DYRK1B: variants seen among roughly 807,000 people sequenced by gnomAD.
The protein encoded by DYRK1B is dual specificity tyrosine-phosphorylation-regulated kinase 1B.
Under a neutral mutation model 57.1 loss-of-function variants are expected in DYRK1B, and 20 were observed. The observed-to-expected ratio is 0.35, with a 90% CI of 0.25 to 0.51. The LOEUF is 0.51. Among genes scored for constraint, DYRK1B ranks in the 20% least tolerant of loss-of-function variants. The probability of loss-of-function intolerance (pLI) is 0.96; values close to 1 mark genes in which losing one functional copy is unlikely to be tolerated. For missense variants in DYRK1B, 732 were observed against 886.3 expected, an observed-to-expected ratio of 0.83 and a Z score of 2.21; for synonymous variants, 409 against 384.7, an observed-to-expected ratio of 1.06 and a Z score of -0.74.
chr19:39,832,771 C>G (rs1468593638), intron 1 of DYRK1B, among the ~76,000 whole-genome samples: 3 of 152,112 alleles, frequency 2.0e-5, no homozygotes, highest in Non-Finnish European at 2.9e-5. Context: ...TCTCCCTGTA[C>G]CATATCCCAA....
rs1395057628 is a variant in DYRK1B at position 39,834,140 on chromosome 19, A to C, written c.-219T>G. On this transcript the variant is annotated 5_prime_UTR_variant, in exon 1 of 11. Transcript: ENST00000323039. ...AGGGCCCCGATTACCCAGTAATGCA[A>C]CCAGCAAAATGGCGACCACAACAAA... is the stretch of plus-strand genomic sequence containing the variant. 2 of 222,230 alleles carry C rather than the reference A, an allele frequency of 9.0e-6. No homozygotes were observed. Among genetic ancestry groups the C allele is most frequent in the South Asian group, 6.0e-5 (1 of 16,774 alleles). The allele number at this position is 222,230 out of a possible 1,614,324, so 13.8% of individuals were successfully genotyped here.
In DYRK1B at chr19:39,828,935, G is replaced by A. The variant is rs1258820371; in HGVS notation, c.521-352C>T. The stretch of plus-strand genomic sequence containing the variant: ...TTTTCCGTTTACTTTAAGGATATAC[G>A]TTTTCCTTTCAAACGAAACCATTTT... On this transcript the variant is annotated intron_variant, in intron 5 of 10. Transcript: ENST00000323039. This position sits in a 1 kb window ranked among gnomAD's most constrained non-coding sequence, Gnocchi z 4.3. Among the ~76,000 whole-genome samples the A allele has an allele frequency of 2.0e-5, 3 of 151,796 alleles. No homozygotes were observed. The highest frequency in any genetic ancestry group is 4.4e-5 in the Non-Finnish European group (3 of 68,018).
intron 1 of DYRK1B, chr19:39,833,728 A>G (rs1968940797): frequency 6.6e-6 from 1 of 152,254 alleles, no homozygotes; most frequent in African/African-American, 2.4e-5. Context: ...ATCACAGCCT[A>G]GGGCAGCTGT....
In DYRK1B at chr19:39,825,588, T is replaced by A; in HGVS notation, c.*127A>T. ...CCCCCCTGCCCCAGGCCCCAATCAG[T>A]GCAGGCCTCACCCACCCCAGCTGGG... On this transcript the variant is annotated 3_prime_UTR_variant, in exon 11 of 11. Transcript: ENST00000323039. 1 of 1,040,416 alleles carries A rather than the reference T, an allele frequency of 9.6e-7. No homozygotes were observed. Among genetic ancestry groups the A allele is most frequent in the Non-Finnish European group, 1.4e-6 (1 of 714,892 alleles). The allele number at this position is 1,040,416 out of a possible 1,614,324, so 64.4% of individuals were successfully genotyped here. A position where few individuals can be genotyped will look rare whatever the true frequency, so the allele number is the denominator to read the frequency against.
Position 39,828,356 on chromosome 19 carries a change from G to C in DYRK1B, c.748C>G (p.Pro250Ala). 1 of 1,614,216 alleles carries C rather than the reference G, an allele frequency of 6.2e-7. No homozygotes were observed. The highest frequency in any genetic ancestry group is 8.5e-7 in the Non-Finnish European group (1 of 1,180,046). ...LKPENILLCN[P>A]KRSAIKIVDF... is the part of the protein sequence containing the mutation. ...ACAATCTTGATGGCGCTGCGCTTGG[G>C]GTTGCACAGCAAGATGTTTTCGGGC... Residue 250 changes from proline (P) to alanine (A), a missense_variant, in exon 6 of 11, where the codon CCC (proline) becomes GCC (alanine). Physicochemically the swap from Pro to Ala is conservative, Grantham distance 27. Transcript: ENST00000323039. The surrounding 1 kb of genome is among the most constrained non-coding windows in gnomAD (Gnocchi z 4.3).
At position 39,825,632 on chromosome 19, in the gene DYRK1B, A is replaced by C. The variant is rs1221699503; in HGVS notation, c.*83T>G. On this transcript the variant is annotated 3_prime_UTR_variant, in exon 11 of 11. Coordinates refer to ENST00000323039, the MANE Select transcript of DYRK1B (RefSeq NM_004714.3). Reference sequence around the variant, plus strand: ...AGCTGGGTAGCAGCAATTCCAGTCAAGGAGAGAGATGAGGATGGGAGCCCA... The same window carrying C: ...AGCTGGGTAGCAGCAATTCCAGTCACGGAGAGAGATGAGGATGGGAGCCCA... The C allele has an allele frequency of 7.1e-7, 1 of 1,405,882 alleles. No homozygotes were observed. The highest frequency in any genetic ancestry group is 9.7e-7 in the Non-Finnish European group (1 of 1,032,744). The allele number at this position is 1,405,882 out of a possible 1,614,324, so 87.1% of individuals were successfully genotyped here. A position where few individuals can be genotyped will look rare whatever the true frequency, so the allele number is the denominator to read the frequency against.
chr19:39,825,696 C>A lies in DYRK1B; in HGVS notation c.*19G>T, dbSNP rs926626283. The A allele has an allele frequency of 6.5e-7, 1 of 1,542,560 alleles. No homozygotes were observed. Among genetic ancestry groups the A allele is most frequent in the Non-Finnish European group, 8.7e-7 (1 of 1,146,132 alleles). ...GGGGAGGGTATGGCTTCAGGAGGGGCCCCAGGGAGGGGGCAGGGTCACGAG... is the reference window on the plus strand; with the variant it reads ...GGGGAGGGTATGGCTTCAGGAGGGGACCCAGGGAGGGGGCAGGGTCACGAG... On this transcript the variant is annotated 3_prime_UTR_variant, in exon 11 of 11. Coordinates refer to ENST00000323039, the MANE Select transcript of DYRK1B (RefSeq NM_004714.3).
chr19:39,828,637 G>A lies in DYRK1B; in HGVS notation c.521-54C>T. On this transcript the variant is annotated intron_variant, in intron 5 of 10. Coordinates refer to ENST00000323039, the MANE Select transcript of DYRK1B (RefSeq NM_004714.3). This position sits in a 1 kb window ranked among gnomAD's most constrained non-coding sequence, Gnocchi z 4.3. ...AGAAGAAACGGCTCAGAGAGGGCAGGTGGTGGCCTGGGGTCATACAACGCT... is the reference window on the plus strand; with the variant it reads ...AGAAGAAACGGCTCAGAGAGGGCAGATGGTGGCCTGGGGTCATACAACGCT... The A allele has an allele frequency of 6.5e-7, 1 of 1,549,646 alleles. No individual in the cohort carries two copies. Among genetic ancestry groups the A allele is most frequent in the Non-Finnish European group, 8.8e-7 (1 of 1,140,158 alleles).
chr19:39,829,814 C>T (rs1013962170), intron 5 of DYRK1B, 66 bp downstream of exon 5: 2 of 1,577,246 alleles, frequency 1.3e-6, no homozygotes, highest in Non-Finnish European at 1.7e-6. Context: ...GGGGTGTGAC[C>T]CATCCCTACT....
Position 39,830,578 on chromosome 19 carries a change from A to G in DYRK1B, c.184-15T>C. On this transcript the variant is annotated splice_polypyrimidine_tract_variant and intron_variant, in intron 3 of 10. Transcript: ENST00000323039. ...GCATAGTATACCTGCCCAGCCAGCCAGCCAGGAGATGGGGACTGGTGAGTG... is the reference window on the plus strand; with the variant it reads ...GCATAGTATACCTGCCCAGCCAGCCGGCCAGGAGATGGGGACTGGTGAGTG... 30 of 1,614,078 alleles carry G rather than the reference A, an allele frequency of 1.9e-5. No homozygotes were observed. The highest frequency in any genetic ancestry group is 2.5e-5 in the Non-Finnish European group (29 of 1,179,980).
At chr19:39,832,506 T>C (rs1366511097) in intron 1 of DYRK1B, among the ~76,000 whole-genome samples, 1 of 152,072 alleles carries the variant, frequency 6.6e-6, no homozygotes, top group Non-Finnish European at 1.5e-5. Context: ...CAGAGAACTC[T>C]AGGATTCCCA....
chr19:39,833,777 A>C (rs1170224731), intron 1 of DYRK1B: 1 of 152,286 alleles, frequency 6.6e-6, no homozygotes, highest in Admixed American at 6.5e-5. Flanking sequence ...AGCTGAGCCC[A>C]AACAAAGGGC....
chr19:39,832,081 G>A (rs983122658), intron 1 of DYRK1B, 113 bp from the exon 2 acceptor site: 44 of 1,206,704 alleles, frequency 3.6e-5, no homozygotes, highest in Non-Finnish European at 3.7e-5. Context: ...AGAGGAAAAG[G>A]GCACAACGGA....
intron 1 of DYRK1B, 97 bp from the exon 2 acceptor site, chr19:39,832,065 G>T: frequency 7.7e-7 from 1 of 1,298,282 alleles, no homozygotes; most frequent in Non-Finnish European, 9.9e-7. Flanking sequence ...ACAGGGCACA[G>T]AGAGAAGAGG....
Position 39,826,294 on chromosome 19 carries a change from T to C in DYRK1B, c.1412-8A>G. 1 of 1,563,436 alleles carries C rather than the reference T, an allele frequency of 6.4e-7. No homozygotes were observed. Among genetic ancestry groups the C allele is most frequent in the East Asian group, 2.3e-5 (1 of 43,726 alleles). On this transcript the variant is annotated splice_polypyrimidine_tract_variant and splice_region_variant and intron_variant, in intron 9 of 10. Transcript: ENST00000323039. The surrounding 1 kb of genome is among the most constrained non-coding windows in gnomAD (Gnocchi z 6.3). ...AGGAGCCACTGGAGCCTCCTGGAAG[T>C]GCCAGGGAGGAGAGGTGAAGGGGCA...
Position 39,826,599 on chromosome 19 carries a change from C to G in DYRK1B, c.1411+73G>C. The G allele has an allele frequency of 7.0e-7, 1 of 1,431,156 alleles. No homozygotes were observed. Among genetic ancestry groups the G allele is most frequent in the South Asian group, 1.4e-5 (1 of 69,742 alleles). 88.7% of individuals were successfully genotyped at this position (1,431,156 alleles called of 1,614,324 possible). A position where few individuals can be genotyped will look rare whatever the true frequency, so the allele number is the denominator to read the frequency against. On this transcript the variant is annotated intron_variant, in intron 9 of 10. Coordinates refer to ENST00000323039, the MANE Select transcript of DYRK1B (RefSeq NM_004714.3). The surrounding 1 kb of genome is among the most constrained non-coding windows in gnomAD (Gnocchi z 6.3). Reference sequence around the variant, plus strand: ...GCGCTTTGTGTGAAGACCCAGTAACCAGGTCCCCCAGGACAGGCCAAACCT... The same window carrying G: ...GCGCTTTGTGTGAAGACCCAGTAACGAGGTCCCCCAGGACAGGCCAAACCT...
rs1174253585 is a variant in DYRK1B at position 39,825,959 on chromosome 19, A to C, written c.1646T>G (p.Leu549Arg). 6.6e-7 allele frequency: 1 copy of C among 1,515,904 alleles called. No homozygotes were observed. Among genetic ancestry groups the C allele is most frequent in the Admixed American group, 2.2e-5 (1 of 45,392 alleles). 93.9% of individuals were successfully genotyped at this position (1,515,904 alleles called of 1,614,324 possible). A position where few individuals can be genotyped will look rare whatever the true frequency, so the allele number is the denominator to read the frequency against. Residue 549 changes from leucine (L) to arginine (R), a missense_variant, in exon 11 of 11, where the codon CTT becomes CGT. By Grantham distance (102) the Leu-to-Arg change is moderately radical. This residue lies in a region of DYRK1B where 222 missense variants were observed against 205.0 expected (regional missense o/e 1.08). Transcript: ENST00000323039. Reference protein sequence around the residue: ...GAQLPPQPRYLGRPPSPTSPP... With the variant: ...GAQLPPQPRYRGRPPSPTSPP... The stretch of plus-strand genomic sequence containing the variant: ...TGAGGTTGGTGATGGGGGACGACCA[A>C]GGTATCGGGGCTGGGGGGGTAACTG...
chr19:39,831,717 G>A (rs1968819066), intron 2 of DYRK1B, 88 bp downstream of exon 2: 2 of 1,496,756 alleles, frequency 1.3e-6, no homozygotes, highest in Non-Finnish European at 1.8e-6. Context: ...AATGTCTTGG[G>A]CAACCACACT....
Position 39,826,214 on chromosome 19 carries a change from G to C in DYRK1B, c.1484C>G (p.Pro495Arg). The C allele has an allele frequency of 6.3e-7, 1 of 1,579,652 alleles. No homozygotes were observed. The highest frequency in any genetic ancestry group is 8.6e-7 in the Non-Finnish European group (1 of 1,166,122). ...YSNRYCGGPG[P>R]PITDCEMNSP... ...GTTCATCTCACAGTCTGTGATAGGG[G>C]GCCCAGGGCCCCCACAATATCGGTT... Residue 495 changes from proline (P) to arginine (R), a missense_variant, in exon 10 of 11, where the codon CCC (proline) becomes CGC (arginine). Pro to Arg is a moderately radical substitution (Grantham distance 103). Around this residue, in one of 2 missense-constraint regions of DYRK1B, gnomAD observed 222 missense variants for 205.0 expected, o/e 1.08. Transcript: ENST00000323039. The surrounding 1 kb of genome is among the most constrained non-coding windows in gnomAD (Gnocchi z 6.3).
Sources: gnomAD v4.1 joint callset for allele counts (sites outside exome capture counted in the v4.1 genomes callset) on GRCh38, gnomAD v4.1.1 for gene constraint, gnomAD v4.1.1 regional missense constraint, Gnocchi (gnomAD v3.1) non-coding constraint, MANE v1.5 for transcripts, NCBI Gene and HGNC (gene_info 2026-07-23, HGNC 2026-07-21) for gene names.